PRRC2B: variants seen among roughly 807,000 people sequenced by gnomAD.
PRRC2B encodes proline rich coiled-coil 2B.
Under a neutral mutation model 242.3 loss-of-function variants are expected in PRRC2B, and 68 were observed. The ratio of observed to expected loss-of-function variants is 0.28; its 90% confidence interval spans 0.23 to 0.34. The LOEUF (loss-of-function observed/expected upper bound fraction) is 0.34. PRRC2B is among the 10% of genes least tolerant of loss of function. The pLI, the probability that PRRC2B is intolerant of heterozygous loss-of-function variation, is 1.00. For synonymous variants in PRRC2B, 1,228 were observed against 1,173.6 expected (o/e 1.05, Z -0.95); for missense variants, 2,835 against 2,954.8 (o/e 0.96, Z 0.94).
chr9:131,420,018 C>T lies in PRRC2B; in HGVS notation c.-51-10076C>T, dbSNP rs769659445. Among the ~76,000 whole-genome samples, 19 of 152,108 alleles carry T rather than the reference C, an allele frequency of 1.2e-4. 1 individual carries two copies. The highest frequency in any genetic ancestry group is 3.3e-4 in the Admixed American group (5 of 15,264). On this transcript the variant is annotated intron_variant, in intron 1 of 31. Coordinates refer to ENST00000683519, the MANE Select transcript of PRRC2B (RefSeq NM_013318.4). The stretch of plus-strand genomic sequence containing the variant: ...TTGCAACTAAGTGCTGGAGAACCCC[C>T]CAGTTCTCCACTGGGGGTGGGGAGT...
intron 1 of PRRC2B, among the ~76,000 whole-genome samples, chr9:131,417,003 T>G (rs1360669825): frequency 1.3e-5 from 2 of 152,216 alleles, no homozygotes; most frequent in Admixed American, 1.3e-4. Context: ...TCTATTTATT[T>G]GGTGTCTGTC....
intron 2 of PRRC2B, among the ~76,000 whole-genome samples, chr9:131,430,550 G>GATAGATAGATA (rs1838119816): frequency 2.4e-5 from 2 of 82,666 alleles, no homozygotes; most frequent in African/African-American, 8.4e-5. Context: ...GATATCTATA[G>GATAGATAGATA]GTGTGTGTGT....
intron 18 of PRRC2B, 23 bp downstream of exon 18, chr9:131,478,642 G>GGGCCC: frequency 1.5e-5 from 7 of 482,004 alleles, no homozygotes; most frequent in Middle Eastern, 6.6e-4. Context: ...GGGTGGGGGG[G>GGGCCC]CATGGGGCTG....
At position 131,446,772 on chromosome 9, in the gene PRRC2B, C is replaced by G. The variant is rs1203593106; in HGVS notation, c.855+130C>G. On this transcript the variant is annotated intron_variant, in intron 7 of 31. Transcript: ENST00000683519. The surrounding 1 kb of genome is among the most constrained non-coding windows in gnomAD (Gnocchi z 4.1). The stretch of plus-strand genomic sequence containing the variant: ...TTACCCTACTTCTGAGGCTTCCACT[C>G]GTTTTGCATTTTCTCTCCCTGCTTT... 3.7e-6 allele frequency: 4 copies of G among 1,082,576 alleles called. No homozygotes were observed. In the African/African-American group the frequency reaches 6.3e-5, roughly 17 times the overall value. The allele number at this position is 1,082,576 out of a possible 1,614,324, so 67.1% of individuals were successfully genotyped here.
chr9:131,384,234 C>T (rs1339617707), intron 1 of PRRC2B, among the ~76,000 whole-genome samples: 3 of 151,882 alleles, frequency 2.0e-5, no homozygotes, highest in African/African-American at 7.3e-5. Flanking sequence ...GCTGGGATTA[C>T]AGGCACCTGC....
chr9:131,485,889 C>T (rs1243532515), intron 25 of PRRC2B, 196 bp from the exon 26 acceptor site: 16 of 711,038 alleles, frequency 2.3e-5, no homozygotes, highest in Non-Finnish European at 3.9e-5. Context: ...CCTACGTTCC[C>T]TGAGGTGCGT....
At chr9:131,418,341 C>CCT (rs1356951550) in intron 1 of PRRC2B, among the ~76,000 whole-genome samples, 1 of 152,226 alleles carries the variant, frequency 6.6e-6, no homozygotes, top group Non-Finnish European at 1.5e-5. Flanking sequence ...GGGGGTTCAT[C>CCT]CTCTATAGGG....
chr9:131,429,812 C>G (rs1199408219), intron 1 of PRRC2B, among the ~76,000 whole-genome samples: 1 of 152,088 alleles, frequency 6.6e-6, no homozygotes, highest in Non-Finnish European at 1.5e-5. Context: ...GCAGTAGACT[C>G]CAGCCAACTC....
intron 1 of PRRC2B, among the ~76,000 whole-genome samples, chr9:131,420,488 T>TCC (rs1433359435): frequency 2.7e-4 from 5 of 18,212 alleles, no homozygotes; most frequent in African/African-American, 6.6e-4. Flanking sequence ...TTTCTTTCTT[T>TCC]CTTTCTTTTT....
At chr9:131,457,924 G>C (rs1003007433) in intron 10 of PRRC2B, among the ~76,000 whole-genome samples, 2 of 152,050 alleles carry the variant, frequency 1.3e-5, no homozygotes, top group African/African-American at 2.4e-5. Flanking sequence ...CGCCACGTAC[G>C]TGTGTGGGTA....
chr9:131,456,670 G>A (rs1015587008), intron 10 of PRRC2B, among the ~76,000 whole-genome samples: 3 of 151,952 alleles, frequency 2.0e-5, no homozygotes, highest in Non-Finnish European at 4.4e-5. Context: ...TTAGTTGGGC[G>A]TGGTGTGCAC....
chr9:131,421,823 A>G (rs540282412), intron 1 of PRRC2B, among the ~76,000 whole-genome samples: 7 of 152,304 alleles, frequency 4.6e-5, no homozygotes, highest in Admixed American at 1.3e-4. Flanking sequence ...CATCATCTGT[A>G]CAGTTGGCCA....
At chr9:131,419,739 A>C (rs1000421081) in intron 1 of PRRC2B, among the ~76,000 whole-genome samples, 4 of 152,164 alleles carry the variant, frequency 2.6e-5, no homozygotes, top group Non-Finnish European at 5.9e-5. Flanking sequence ...ATAGACCTCA[A>C]GTCACAGTGT....
chr9:131,391,689 T>C (rs1343302805), upstream of PRRC2B, among the ~76,000 whole-genome samples: 1 of 152,228 alleles, frequency 6.6e-6, no homozygotes, highest in African/African-American at 2.4e-5. Flanking sequence ...TTTAGCACAG[T>C]GGCTGTCACA....
intron 19 of PRRC2B, among the ~76,000 whole-genome samples, chr9:131,480,740 C>G (rs977003469): frequency 6.6e-6 from 1 of 152,000 alleles, no homozygotes; most frequent in Non-Finnish European, 1.5e-5. Context: ...TATGTGCCCC[C>G]ACCCCCTGCT....
intron 1 of PRRC2B, among the ~76,000 whole-genome samples, chr9:131,424,362 G>T (rs563196533): frequency 6.6e-6 from 1 of 152,216 alleles, no homozygotes; most frequent in South Asian, 2.1e-4. Flanking sequence ...GGCCAATAGC[G>T]TGCCCAACAA....
At chr9:131,414,398 C>T (rs987997625) in intron 1 of PRRC2B, among the ~76,000 whole-genome samples, 1 of 142,816 alleles carries the variant, frequency 7.0e-6, no homozygotes, top group African/African-American at 2.5e-5. Flanking sequence ...CATTAAACTG[C>T]ATTAAAGTTT....
At chr9:131,440,863 G>T (rs1276284005) in intron 5 of PRRC2B, among the ~76,000 whole-genome samples, 1 of 152,210 alleles carries the variant, frequency 6.6e-6, no homozygotes, top group African/African-American at 2.4e-5. Context: ...ACTTTGGGAG[G>T]CTGAGGCAGA....
chr9:131,374,345 A>G (rs1195061288), intron 1 of PRRC2B, among the ~76,000 whole-genome samples: 1 of 152,072 alleles, frequency 6.6e-6, no homozygotes, highest in Non-Finnish European at 1.5e-5. Context: ...AACTAAACAC[A>G]CTGCACTGAT....
Sources: gnomAD v4.1 joint callset for allele counts (sites outside exome capture counted in the v4.1 genomes callset) on GRCh38, gnomAD v4.1.1 for gene constraint, Gnocchi (gnomAD v3.1) non-coding constraint, MANE v1.5 for transcripts, NCBI Gene and HGNC (gene_info 2026-07-23, HGNC 2026-07-21) for gene names.